The following RFX4 variants were observed in gnomAD, a reference collection of about 807,000 sequenced individuals.
RFX4 encodes the protein transcription factor RFX4.
In RFX4, 10 loss-of-function variants were observed where a neutral mutation model predicts 95.0. The observed-to-expected ratio is 0.11, with a 90% CI of 0.06 to 0.18. The LOEUF (loss-of-function observed/expected upper bound fraction) is 0.18, where lower values mean the gene tolerates loss of function less well. Ranked by LOEUF, RFX4 falls within the 10% of genes least tolerant of loss-of-function variation. The pLI, the probability that RFX4 is intolerant of heterozygous loss-of-function variation, is 1.00. For missense variants in RFX4, 640 were observed against 922.0 expected (o/e 0.69, Z 3.96); for synonymous variants, 321 against 340.7 (o/e 0.94, Z 0.64).
intron 4 of RFX4, among the ~76,000 whole-genome samples, chr12:106,668,554 G>A (rs1046874277): frequency 6.6e-6 from 1 of 152,138 alleles, no homozygotes; most frequent in African/African-American, 2.4e-5. Flanking sequence ...AACACAGCGA[G>A]AGCCCCTCTT....
At chr12:106,676,571 T>C (rs1190721415) in intron 4 of RFX4, among the ~76,000 whole-genome samples, 1 of 152,176 alleles carries the variant, frequency 6.6e-6, no homozygotes, top group African/African-American at 2.4e-5. Flanking sequence ...AGCAGGAGCA[T>C]TTCACTGCCA....
intron 1 of RFX4, among the ~76,000 whole-genome samples, chr12:106,603,677 A>G (rs2039761211): frequency 6.6e-6 from 1 of 152,234 alleles, no homozygotes; most frequent in Non-Finnish European, 1.5e-5. Context: ...AAGTTATCCC[A>G]GTATGAACTG....
chr12:106,742,143 G>C (rs1223130924), intron 15 of RFX4, among the ~76,000 whole-genome samples: 1 of 152,172 alleles, frequency 6.6e-6, no homozygotes, highest in Admixed American at 6.6e-5. Flanking sequence ...TCAGAAGTCT[G>C]TAGCAGAATC....
intron 3 of RFX4, among the ~76,000 whole-genome samples, chr12:106,647,896 A>G (rs910818311): frequency 1.3e-5 from 2 of 152,158 alleles, no homozygotes; most frequent in African/African-American, 4.8e-5. Flanking sequence ...AACGTGCCCC[A>G]GGCTATATGC....
In RFX4 at chr12:106,749,483, G is replaced by A. The variant is rs577167922; in HGVS notation, c.1797-1172G>A. On this transcript the variant is annotated intron_variant, in intron 16 of 17. Transcript: ENST00000392842. ...CTTTTCCATAGGTTCAAGTGCCCCT[G>A]AGCAGTCAATCGGGCAACCATTATT... Among the ~76,000 whole-genome samples, 430 of 152,176 alleles carry A rather than the reference G, an allele frequency of 2.8e-3. 2 individuals carry two copies. The highest frequency in any genetic ancestry group is 9.5e-3 in the African/African-American group (395 of 41,508).
intron 15 of RFX4, among the ~76,000 whole-genome samples, chr12:106,735,919 G>A (rs994584064): frequency 6.6e-6 from 1 of 152,188 alleles, no homozygotes; most frequent in Non-Finnish European, 1.5e-5. Context: ...CTATGTGGCT[G>A]GAAGTATCAG....
At chr12:106,750,279 C>T (rs1029133840) in intron 16 of RFX4, among the ~76,000 whole-genome samples, 2 of 152,002 alleles carry the variant, frequency 1.3e-5, no homozygotes, top group Admixed American at 6.6e-5. Flanking sequence ...GAATTTGAGA[C>T]CAGCCTGGCC....
Position 106,732,984 on chromosome 12 carries a change from C to T in RFX4, c.1532C>T (p.Pro511Leu). The stretch of plus-strand genomic sequence containing the variant: ...GCCGCACCAACCCCTTCACCAGTGC[C>T]ATCGTTTTCTCCAGCAAAATCTGCC... Reference protein sequence around the residue: ...EAAAPTPSPVPSFSPAKSATS... With the variant: ...EAAAPTPSPVLSFSPAKSATS... Residue 511 changes from proline to leucine, a missense_variant, in exon 15 of 18, where the codon CCA becomes CTA. By Grantham distance (98) the Pro-to-Leu change is moderately conservative. Coordinates refer to ENST00000392842, the MANE Select transcript of RFX4 (RefSeq NM_213594.3). 6.2e-7 allele frequency: 1 copy of T among 1,614,158 alleles called. No individual in the cohort carries two copies. The highest frequency in any genetic ancestry group is 8.5e-7 in the Non-Finnish European group (1 of 1,180,032).
chr12:106,653,357 G>A (rs551902375), intron 3 of RFX4, among the ~76,000 whole-genome samples: 2 of 152,314 alleles, frequency 1.3e-5, no homozygotes, highest in Admixed American at 6.5e-5. Flanking sequence ...GAGGTCTGAC[G>A]TCTTCTCAGT....
At chr12:106,606,604 C>T (rs2039838563) in intron 1 of RFX4, among the ~76,000 whole-genome samples, 2 of 152,274 alleles carry the variant, frequency 1.3e-5, no homozygotes, top group South Asian at 2.1e-4. Flanking sequence ...CCACATTGTG[C>T]ATTCGATGTC....
intron 1 of RFX4, among the ~76,000 whole-genome samples, chr12:106,589,983 A>G (rs573052385): frequency 6.6e-6 from 1 of 152,276 alleles, no homozygotes; most frequent in Non-Finnish European, 1.5e-5. Context: ...GCATTCTGCT[A>G]CATACTGGGC....
In RFX4 at chr12:106,750,694, G is replaced by A. The variant is rs770427368; in HGVS notation, c.1836G>A (p.Gln612=). Residue 612 remains glutamine (Q), a synonymous_variant, in exon 17 of 18, where the codon CAG becomes CAA. Coordinates refer to ENST00000392842, the MANE Select transcript of RFX4 (RefSeq NM_213594.3). ...ATAACTATGGGAGCTATGGCAACCA[G>A]CATCCTCACCCCATGCAGAGCCAGT... ...GSYNYGSYGN[Q]HPHPMQSQYP... 6.2e-6 allele frequency: 10 copies of A among 1,609,254 alleles called. No individual in the cohort carries two copies. Among genetic ancestry groups the A allele is most frequent in the Admixed American group, 1.7e-5 (1 of 59,204 alleles).
chr12:106,634,949 A>G (rs1003395579), intron 2 of RFX4, among the ~76,000 whole-genome samples: 21 of 152,244 alleles, frequency 1.4e-4, no homozygotes, highest in African/African-American at 4.1e-4. Context: ...CTCAAGGGCA[A>G]GAGTTTAATT....
At chr12:106,665,073 G>C (rs1378717896) in intron 4 of RFX4, among the ~76,000 whole-genome samples, 1 of 151,794 alleles carries the variant, frequency 6.6e-6, no homozygotes, top group African/African-American at 2.4e-5. Flanking sequence ...TTCCATTTCT[G>C]ATAGAGGGGT....
At chr12:106,755,193 C>T (rs1593022115) in intron 17 of RFX4, among the ~76,000 whole-genome samples, 1 of 152,176 alleles carries the variant, frequency 6.6e-6, no homozygotes, top group Non-Finnish European at 1.5e-5. Flanking sequence ...ACCTCCTGGG[C>T]TCAAGTGATC....
At chr12:106,742,709 AG>A (rs1256245174) in intron 15 of RFX4, among the ~76,000 whole-genome samples, 1 of 152,210 alleles carries the variant, frequency 6.6e-6, no homozygotes, top group Non-Finnish European at 1.5e-5. Flanking sequence ...TGCTATGGAA[AG>A]GGTTTGGGGT....
intron 4 of RFX4, among the ~76,000 whole-genome samples, chr12:106,681,651 G>A (rs1038282655): frequency 6.6e-6 from 1 of 152,220 alleles, no homozygotes; most frequent in African/African-American, 2.4e-5. Context: ...CAGAGGCTAA[G>A]TGTGGGTTTT....
At chr12:106,684,418 A>T (rs2041597153) in intron 5 of RFX4, among the ~76,000 whole-genome samples, 1 of 152,168 alleles carries the variant, frequency 6.6e-6, no homozygotes, top group Non-Finnish European at 1.5e-5. Flanking sequence ...AGAAGAAATT[A>T]AAAAATAAAT....
chr12:106,649,113 C>T (rs17038606), intron 3 of RFX4, among the ~76,000 whole-genome samples: 9,490 of 151,378 alleles, frequency 0.063, 648 homozygotes, highest in African/African-American at 0.17. Context: ...TAAAAAAAAC[C>T]CAGGTATAAT....
Sources: allele counts gnomAD v4.1 joint callset (sites outside exome capture counted in the v4.1 genomes callset), GRCh38; gene constraint gnomAD v4.1.1; transcripts MANE v1.5; gene names NCBI Gene and HGNC (gene_info 2026-07-23, HGNC 2026-07-21).